The following DLG2 variants were observed in gnomAD, a reference collection of about 807,000 sequenced individuals.
DLG2 encodes the protein discs large MAGUK scaffold protein 2.
In DLG2, 45 loss-of-function variants were observed where a neutral mutation model predicts 132.5. The ratio of observed to expected loss-of-function variants is 0.34; its 90% CI spans 0.27 to 0.44. The LOEUF is 0.44. Among genes scored for constraint, DLG2 ranks in the 20% least tolerant of loss-of-function variants. The pLI is 1.00. For synonymous variants in DLG2, 424 were observed against 419.6 expected (o/e 1.01, Z -0.13); for missense variants, 1,045 against 1,196.9 (o/e 0.87, Z 1.87).
chr11:84,207,781 C>T (rs866485707), intron 8 of DLG2, among the ~76,000 whole-genome samples: 2 of 152,002 alleles, frequency 1.3e-5, no homozygotes, highest in Non-Finnish European at 2.9e-5. Flanking sequence ...ATTTTATAAA[C>T]AACATGATAA....
At chr11:85,405,509 T>A (rs927903669) in intron 3 of DLG2, among the ~76,000 whole-genome samples, 2 of 152,038 alleles carry the variant, frequency 1.3e-5, no homozygotes, top group Non-Finnish European at 2.9e-5. Flanking sequence ...CACATGTATT[T>A]TCTGTGTATA....
In DLG2 at chr11:84,990,912, C is replaced by A. The variant is rs566823638; in HGVS notation, c.357+120749G>T. ...ATGAAAACCTATATTCACACAGAAA[C>A]CTGTATATGACTACTGATAGTAGAT... On this transcript the variant is annotated intron_variant, in intron 6 of 27. Coordinates refer to ENST00000376104, the MANE Select transcript of DLG2 (RefSeq NM_001142699.3). Among the ~76,000 whole-genome samples, 112 of 152,122 alleles carry A rather than the reference C, an allele frequency of 7.4e-4. No homozygotes were observed. The South Asian group carries it at 7.7e-3, about 10-fold the overall frequency.
At chr11:85,625,581 C>T (rs530113313) in intron 2 of DLG2, among the ~76,000 whole-genome samples, 1 of 152,164 alleles carries the variant, frequency 6.6e-6, no homozygotes, top group African/African-American at 2.4e-5. Context: ...TCCTCAACAT[C>T]CCTAACAAAT....
chr11:83,637,260 GC>G (rs1374035842), intron 18 of DLG2, among the ~76,000 whole-genome samples: 1 of 152,090 alleles, frequency 6.6e-6, no homozygotes, highest in African/African-American at 2.4e-5. Context: ...TCATATCTAT[GC>G]CTGTCCCTTT....
chr11:84,315,588 A>T (rs2098344806), intron 7 of DLG2, among the ~76,000 whole-genome samples: 1 of 152,192 alleles, frequency 6.6e-6, no homozygotes, highest in Non-Finnish European at 1.5e-5. Flanking sequence ...ATTCATGTTA[A>T]CTTTAAATAA....
At chr11:83,728,953 T>C (rs1430336327) in intron 18 of DLG2, among the ~76,000 whole-genome samples, 1 of 152,218 alleles carries the variant, frequency 6.6e-6, no homozygotes, top group African/African-American at 2.4e-5. Flanking sequence ...TTTTTCTTTC[T>C]TTTTTCTTTT....
intron 7 of DLG2, among the ~76,000 whole-genome samples, chr11:84,416,940 T>C (rs986114976): frequency 6.6e-6 from 1 of 152,224 alleles, no homozygotes; most frequent in African/African-American, 2.4e-5. Context: ...AAGAATGGAT[T>C]GCAATTAGTT....
chr11:84,814,443 C>G (rs970074156), intron 6 of DLG2, among the ~76,000 whole-genome samples: 3 of 152,040 alleles, frequency 2.0e-5, no homozygotes, highest in Non-Finnish European at 2.9e-5. Context: ...CTCACCATGT[C>G]TCTCCAATAC....
At chr11:85,522,617 T>A (rs1435909261) in intron 3 of DLG2, among the ~76,000 whole-genome samples, 1 of 152,108 alleles carries the variant, frequency 6.6e-6, no homozygotes, top group Non-Finnish European at 1.5e-5. Flanking sequence ...AGCCACAGCT[T>A]CCCAAGGCCA....
At chr11:85,180,797 G>C (rs1266459901) in intron 4 of DLG2, among the ~76,000 whole-genome samples, 2 of 151,734 alleles carry the variant, frequency 1.3e-5, no homozygotes, top group Non-Finnish European at 2.9e-5. Flanking sequence ...ACTTGTCCAA[G>C]TTTACATAGA....
chr11:85,434,750 C>G (rs975199250), intron 3 of DLG2, among the ~76,000 whole-genome samples: 4 of 152,106 alleles, frequency 2.6e-5, no homozygotes, highest in Admixed American at 2.0e-4. Flanking sequence ...GAAATACAAA[C>G]AGGAGCTGGT....
intron 6 of DLG2, among the ~76,000 whole-genome samples, chr11:84,781,790 A>C (rs1412983380): frequency 6.6e-6 from 1 of 152,118 alleles, no homozygotes; most frequent in Non-Finnish European, 1.5e-5. Context: ...TATGGAAGGA[A>C]ACAAGATATT....
chr11:85,082,735 C>A (rs977575991), intron 6 of DLG2, among the ~76,000 whole-genome samples: 2 of 113,400 alleles, frequency 1.8e-5, no homozygotes, highest in South Asian at 6.2e-4. Flanking sequence ...TCTTTTCTTT[C>A]TTTTTTTTTT....
At chr11:85,093,748 T>C (rs72959763) in intron 6 of DLG2, among the ~76,000 whole-genome samples, 2,153 of 152,300 alleles carry the variant, frequency 0.014, 23 homozygotes, top group Non-Finnish European at 0.021. Flanking sequence ...TACCCCCGAC[T>C]GGGTCCCTCA....
chr11:84,224,891 C>T (rs1329769315), intron 8 of DLG2, among the ~76,000 whole-genome samples: 1 of 152,084 alleles, frequency 6.6e-6, no homozygotes, highest in Non-Finnish European at 1.5e-5. Flanking sequence ...CTGTCTTATC[C>T]CCATGGATTG....
intron 3 of DLG2, among the ~76,000 whole-genome samples, chr11:85,492,579 A>C (rs1188505413): frequency 6.6e-6 from 1 of 152,126 alleles, no homozygotes; most frequent in Non-Finnish European, 1.5e-5. Flanking sequence ...TTATCATCTC[A>C]AATTCTTTTT....
chr11:84,972,066 AC>A (rs2054176981), intron 6 of DLG2, among the ~76,000 whole-genome samples: 1 of 152,132 alleles, frequency 6.6e-6, no homozygotes, highest in Non-Finnish European at 1.5e-5. Context: ...GGGGGGGAAA[AC>A]ATAAAATTTT....
chr11:83,516,280 T>C (rs1011658090), intron 21 of DLG2, among the ~76,000 whole-genome samples: 6 of 152,154 alleles, frequency 3.9e-5, no homozygotes, highest in African/African-American at 1.5e-4. Flanking sequence ...CATTATGTAA[T>C]GGCCTTCTTT....
At chr11:85,140,438 TA>T (rs907186149) in intron 5 of DLG2, among the ~76,000 whole-genome samples, 99 of 152,084 alleles carry the variant, frequency 6.5e-4, no homozygotes, top group African/African-American at 2.1e-3. Flanking sequence ...CCTATCTTTT[TA>T]AAAAATTATG....
Sources: allele counts gnomAD v4.1 joint callset (sites outside exome capture counted in the v4.1 genomes callset), GRCh38; gene constraint gnomAD v4.1.1; transcripts MANE v1.5; gene names NCBI Gene and HGNC (gene_info 2026-07-23, HGNC 2026-07-21).